The following PARD3 variants were observed in gnomAD, a reference collection of about 807,000 sequenced individuals.
PARD3 encodes partitioning defective 3 homolog.
PARD3 carries 75 observed loss-of-function variants against 155.4 expected under a neutral mutation model. The ratio of observed to expected loss-of-function variants is 0.48; its 90% CI spans 0.40 to 0.58. The LOEUF is 0.58. Among genes scored for constraint, PARD3 ranks in the 20% least tolerant of loss-of-function variants. The pLI is 0.00. For missense variants in PARD3, 1,642 were observed against 1,721.7 expected (o/e 0.95, Z 0.82); for synonymous variants, 576 against 610.5 (o/e 0.94, Z 0.83).
At chr10:34,458,761 G>A (rs1004271757) in intron 4 of PARD3, among the ~76,000 whole-genome samples, 1 of 152,162 alleles carries the variant, frequency 6.6e-6, no homozygotes, top group African/African-American at 2.4e-5. Context: ...CTTAGACTCT[G>A]AGGAACTGAA....
At chr10:34,718,695 G>A (rs920062063) in intron 1 of PARD3, among the ~76,000 whole-genome samples, 1 of 152,162 alleles carries the variant, frequency 6.6e-6, no homozygotes, top group Non-Finnish European at 1.5e-5. Context: ...GGGCACGGTG[G>A]CTCACGCCTG....
rs116772606 is a variant in PARD3, at chr10:34,351,225, G to A, written c.2068-3110C>T. Among the ~76,000 whole-genome samples, 1,193 of 151,946 alleles carry A rather than the reference G, an allele frequency of 7.9e-3. 18 individuals carry two copies. The highest frequency in any genetic ancestry group is 0.027 in the African/African-American group (1,134 of 41,540). ...AAAACTGGATTCTCACTGGTGATTG[G>A]CAAGATCATATTATTCAATATTTCA... On this transcript the variant is annotated intron_variant, in intron 14 of 24. Transcript: ENST00000374788.
intron 2 of PARD3, among the ~76,000 whole-genome samples, chr10:34,539,128 T>C (rs2083425348): frequency 6.6e-6 from 1 of 152,124 alleles, no homozygotes; most frequent in Non-Finnish European, 1.5e-5. Context: ...ACAGGAGGTG[T>C]TACATCTTAT....
intron 1 of PARD3, among the ~76,000 whole-genome samples, chr10:34,764,722 T>C (rs1055297004): frequency 1.3e-5 from 2 of 151,958 alleles, no homozygotes; most frequent in Non-Finnish European, 2.9e-5. Context: ...GTGGGAACTG[T>C]TGACTGGAAA....
intron 22 of PARD3, among the ~76,000 whole-genome samples, chr10:34,243,321 T>C (rs1259227437): frequency 1.3e-5 from 2 of 152,222 alleles, no homozygotes; most frequent in Non-Finnish European, 2.9e-5. Flanking sequence ...TCCTTATGCA[T>C]ATGTAACATA....
At chr10:34,261,757 AAAGG>A (rs1264812859) in intron 22 of PARD3, among the ~76,000 whole-genome samples, 1 of 80,384 alleles carries the variant, frequency 1.2e-5, no homozygotes, top group East Asian at 2.9e-4. Flanking sequence ...AGGAAGGAAG[AAAGG>A]AAGGAAGGAA....
intron 20 of PARD3, among the ~76,000 whole-genome samples, chr10:34,305,649 T>A (rs1957369902): frequency 6.6e-6 from 1 of 152,202 alleles, no homozygotes; most frequent in Admixed American, 6.5e-5. Context: ...AATCTGGTAA[T>A]CATAATTATC....
At chr10:34,694,516 G>A (rs1161033833) in intron 2 of PARD3, among the ~76,000 whole-genome samples, 1 of 133,712 alleles carries the variant, frequency 7.5e-6, no homozygotes, top group East Asian at 2.2e-4. Flanking sequence ...TGTTGCCCAG[G>A]TTGGAGTGCA....
Position 34,802,830 on chromosome 10 carries a change from G to A in PARD3, c.120+12046C>T, listed in dbSNP as rs1842942934. ...CAAACACTCCTGGTAAAAACAAAGG[G>A]ACAGTACGGCTAACATGTAGTCCAC... On this transcript the variant is annotated intron_variant, in intron 1 of 24. Transcript: ENST00000374788. Among the ~76,000 whole-genome samples, 9 of 152,196 alleles carry A rather than the reference G, an allele frequency of 5.9e-5. No individual in the cohort carries two copies. In the South Asian group the frequency reaches 1.9e-3, roughly 32 times the overall value.
At chr10:34,678,644 C>T (rs1391630475) in intron 2 of PARD3, among the ~76,000 whole-genome samples, 1 of 151,856 alleles carries the variant, frequency 6.6e-6, no homozygotes, top group Admixed American at 6.6e-5. Context: ...AGTGAATAAA[C>T]ATAAACACTA....
At chr10:34,520,874 C>A (rs1485870842) in intron 2 of PARD3, among the ~76,000 whole-genome samples, 2 of 152,162 alleles carry the variant, frequency 1.3e-5, no homozygotes, top group African/African-American at 4.8e-5. Flanking sequence ...CTAAAATACT[C>A]ATTTCAAGCT....
At position 34,726,023 on chromosome 10, in the gene PARD3, T is replaced by C. The variant is rs532583892; in HGVS notation, c.121-29604A>G. 1.1e-4 allele frequency among the ~76,000 whole-genome samples: 16 copies of C among 152,118 alleles called. No homozygotes were observed. In the East Asian group the frequency reaches 3.1e-3, roughly 29 times the overall value. On this transcript the variant is annotated intron_variant, in intron 1 of 24. Transcript: ENST00000374788. ...AAAGTTCTTTCCAGACTTAAGGGAG[T>C]GTAAAGGTAATCAATTAGCACCACA... is the stretch of plus-strand genomic sequence containing the variant.
intron 2 of PARD3, among the ~76,000 whole-genome samples, chr10:34,655,303 T>G (rs970273295): frequency 4.6e-5 from 7 of 152,170 alleles, no homozygotes; most frequent in Non-Finnish European, 8.8e-5. Flanking sequence ...ATTTAGCTTT[T>G]TTCACAATGC....
At chr10:34,338,962 G>A (rs1032560038) in intron 16 of PARD3, among the ~76,000 whole-genome samples, 3 of 152,034 alleles carry the variant, frequency 2.0e-5, no homozygotes, top group African/African-American at 7.3e-5. Flanking sequence ...AAATTATGAT[G>A]ACAGACATCT....
chr10:34,429,678 C>A (rs981886137), intron 5 of PARD3, among the ~76,000 whole-genome samples: 6 of 152,050 alleles, frequency 3.9e-5, no homozygotes, highest in Non-Finnish European at 7.4e-5. Context: ...CTCCGCCTCC[C>A]GGGTTCAAGC....
chr10:34,306,609 G>A (rs1242563184), intron 20 of PARD3, among the ~76,000 whole-genome samples: 4 of 150,484 alleles, frequency 2.7e-5, no homozygotes, highest in Admixed American at 1.3e-4. Context: ...AAATCGTGCC[G>A]TCGCACTCCA....
Position 34,637,960 on chromosome 10 carries a change from CT to C in PARD3, c.222+58357del, listed in dbSNP as rs561816090. On this transcript the variant is annotated intron_variant, in intron 2 of 24. Coordinates refer to ENST00000374788, the MANE Select transcript of PARD3 (RefSeq NM_001184785.2). The stretch of plus-strand genomic sequence containing the variant: ...AGGAAAAGCTGAGGCAAAAACAACT[CT>C]GTATCTGCAAGTGTACACATAAACA... Among the ~76,000 whole-genome samples the C allele has an allele frequency of 1.2e-4, 18 of 152,326 alleles. No individual in the cohort carries two copies. The South Asian group carries it at 3.1e-3, about 26-fold the overall frequency.
intron 5 of PARD3, among the ~76,000 whole-genome samples, chr10:34,414,176 T>C (rs1845415273): frequency 6.7e-6 from 1 of 149,854 alleles, no homozygotes; most frequent in Non-Finnish European, 1.5e-5. Flanking sequence ...CCAGCTTGGG[T>C]GACAGAGCGA....
At chr10:34,248,261 A>T (rs1179314084) in intron 22 of PARD3, among the ~76,000 whole-genome samples, 1 of 152,210 alleles carries the variant, frequency 6.6e-6, no homozygotes, top group Non-Finnish European at 1.5e-5. Context: ...ATGGTAAAAA[A>T]AAATACCAGA....
Sources: gnomAD v4.1 joint callset for allele counts (sites outside exome capture counted in the v4.1 genomes callset) on GRCh38, gnomAD v4.1.1 for gene constraint, MANE v1.5 for transcripts, NCBI Gene and HGNC (gene_info 2026-07-23, HGNC 2026-07-21) for gene names.